The following NPEPL1 variants were observed in gnomAD, a reference collection of about 807,000 sequenced individuals.
The protein encoded by NPEPL1 is probable aminopeptidase NPEPL1.
In NPEPL1, 45 loss-of-function variants were observed where a neutral mutation model predicts 52.4. The observed-to-expected ratio is 0.86, with a 90% CI of 0.68 to 1.10. The LOEUF is 1.10. Among genes scored for constraint, NPEPL1 ranks in the 50% least tolerant of loss-of-function variants. NPEPL1 has a pLI of 0.00. For missense variants in NPEPL1, 696 were observed against 710.9 expected (o/e 0.98, Z 0.24); for synonymous variants, 360 against 314.7 (o/e 1.14, Z -1.52).
intron 6 of NPEPL1, chr20:58,703,360 C>A: frequency 1.9e-6 from 1 of 534,832 alleles, no homozygotes; most frequent in Non-Finnish European, 2.4e-6. Flanking sequence ...GAGATACCGG[C>A]ACACGGTGGT....
At chr20:58,705,649 A>G (rs2084721955) in intron 6 of NPEPL1, 1 of 434,356 alleles carries the variant, frequency 2.3e-6, no homozygotes, top group African/African-American at 2.0e-5. Context: ...AACAGAAACA[A>G]CATATGGGGG....
intron 3 of NPEPL1, among the ~76,000 whole-genome samples, chr20:58,697,477 G>A (rs1601100181): frequency 6.6e-6 from 1 of 152,236 alleles, no homozygotes; most frequent in Non-Finnish European, 1.5e-5. Flanking sequence ...CAAGGTCCAG[G>A]TTTCTACCTT....
intron 6 of NPEPL1, among the ~76,000 whole-genome samples, chr20:58,705,834 G>A (rs138627763): frequency 2.0e-3 from 306 of 152,256 alleles, no homozygotes; most frequent in South Asian, 6.4e-3. Context: ...ATTCCAGATC[G>A]GAGGCCCTGT....
At chr20:58,701,653 T>C (rs955966594) in intron 6 of NPEPL1, among the ~76,000 whole-genome samples, 9 of 152,078 alleles carry the variant, frequency 5.9e-5, no homozygotes, top group Non-Finnish European at 1.2e-4. Context: ...GGCTTGCTGC[T>C]TGGGGGCTTT....
In NPEPL1 at chr20:58,692,810, C is replaced by T. The variant is rs1276829922; in HGVS notation, c.-91C>T. On this transcript the variant is annotated 5_prime_UTR_variant, in exon 1 of 12. Transcript: ENST00000356091. This position sits in a 1 kb window ranked among gnomAD's most constrained non-coding sequence, Gnocchi z 5.7. ...CGCGGGCTGCCGGGCAGGGCCGGGG[C>T]GGTGCCGAGGCCGGGCCGGAGCGGG... 2.1e-6 allele frequency: 2 copies of T among 973,224 alleles called. No individual in the cohort carries two copies. Among genetic ancestry groups the T allele is most frequent in the African/African-American group, 1.8e-5 (1 of 56,206 alleles). The allele number at this position is 973,224 out of a possible 1,614,324, so 60.3% of individuals were successfully genotyped here.
rs1347472543 is a variant in NPEPL1, at chr20:58,692,910, G to A, written c.10G>A (p.Val4Met). 2 of 1,077,664 alleles carry A rather than the reference G, an allele frequency of 1.9e-6. No individual in the cohort carries two copies. The highest frequency in any genetic ancestry group is 6.0e-5 in the East Asian group (1 of 16,776). The allele number at this position is 1,077,664 out of a possible 1,614,324, so 66.8% of individuals were successfully genotyped here. The change falls in exon 1 of 12, where the codon GTG becomes ATG. Residue 4 changes from valine to methionine, a missense_variant. By Grantham distance (21) the Val-to-Met change is conservative (BLOSUM62 1). Transcript: ENST00000356091. This position sits in a 1 kb window ranked among gnomAD's most constrained non-coding sequence, Gnocchi z 5.7. Reference protein sequence around the residue: MANVGLQFQASAGD... With the variant: MANMGLQFQASAGD... Reference sequence around the variant, plus strand: ...GTGGGCCGGCAGGAAGATGGCGAACGTGGGGCTGCAGTTCCAGGCGAGCGC... The same window carrying A: ...GTGGGCCGGCAGGAAGATGGCGAACATGGGGCTGCAGTTCCAGGCGAGCGC...
intron 6 of NPEPL1, among the ~76,000 whole-genome samples, chr20:58,704,905 C>T (rs1462850088): frequency 1.3e-5 from 2 of 152,226 alleles, no homozygotes; most frequent in Non-Finnish European, 2.9e-5. Context: ...ATCCGCTGTT[C>T]TCTCTCACTT....
chr20:58,715,305 CAA>C lies in NPEPL1; in HGVS notation c.1552_1553del (p.Lys518GlufsTer13), dbSNP rs1166533153. The C allele has an allele frequency of 6.8e-6, 11 of 1,609,996 alleles. No individual in the cohort carries two copies. Among genetic ancestry groups the C allele is most frequent in the Non-Finnish European group, 9.3e-6 (11 of 1,178,406 alleles). On this transcript the variant is annotated frameshift_variant, in exon 12 of 12. Transcript: ENST00000356091. LOFTEE classifies it high-confidence loss of function. ...AGGAGGGGGACCTGGGGAGGGACTC[CAA>C]GAGACGCAGGCTTGTGTGAGCCTCC... ...VEEGDLGRDSKRRRLV is the reference protein window; with the variant it reads ...VEEGDLGRDSXRRRLV
At chr20:58,701,455 G>C (rs1378171840) in intron 6 of NPEPL1, among the ~76,000 whole-genome samples, 1 of 95,592 alleles carries the variant, frequency 1.0e-5, no homozygotes, top group East Asian at 2.6e-4. Context: ...GTTTCTGGGG[G>C]TTCTGGGTTG....
At chr20:58,701,439 G>A (rs1418145259) in intron 6 of NPEPL1, among the ~76,000 whole-genome samples, 14 of 150,568 alleles carry the variant, frequency 9.3e-5, no homozygotes, top group African/African-American at 2.9e-4. Context: ...GGTGGGGGGC[G>A]GCGAGGTTTC....
intron 3 of NPEPL1, among the ~76,000 whole-genome samples, chr20:58,695,135 G>GGT (rs1370483501): frequency 4.2e-5 from 6 of 143,630 alleles, no homozygotes; most frequent in Non-Finnish European, 9.2e-5. Flanking sequence ...GTGCATGAGT[G>GGT]GTGTGTGTGT....
rs1045645866 is a variant in NPEPL1 at position 58,693,724 on chromosome 20, C to T, written c.151-13C>T. ...TTGAAGCCTCTGTGTCTTGTCTCTC[C>T]CTTCTGATCTAGCTCTGGCAGGCTG... On this transcript the variant is annotated splice_polypyrimidine_tract_variant and intron_variant, in intron 1 of 11. Coordinates refer to ENST00000356091, the MANE Select transcript of NPEPL1 (RefSeq NM_024663.4). The T allele has an allele frequency of 4.4e-6, 7 of 1,590,528 alleles. No individual in the cohort carries two copies. The Admixed American group carries it at 5.1e-5, about 12-fold the overall frequency.
In NPEPL1 at chr20:58,713,321, G is replaced by A. The variant is rs2123153642; in HGVS notation, c.1002-99G>A. The A allele has an allele frequency of 3.5e-6, 5 of 1,437,180 alleles. 1 individual carries two copies. In the East Asian group the frequency reaches 1.3e-4, roughly 36 times the overall value. 89.0% of individuals were successfully genotyped at this position (1,437,180 alleles called of 1,614,324 possible). A position where few individuals can be genotyped will look rare whatever the true frequency, so the allele number is the denominator to read the frequency against. On this transcript the variant is annotated intron_variant, in intron 8 of 11. Transcript: ENST00000356091. The surrounding 1 kb of genome is among the most constrained non-coding windows in gnomAD (Gnocchi z 4.6). ...GTGTTGGGGTTCGGGGAGCCACAGG[G>A]ATGGGCAGCTCCAAATGGGGTCTCC...
rs995644728 is a variant in NPEPL1 at position 58,694,016 on chromosome 20, G to T, written c.336+94G>T. On this transcript the variant is annotated intron_variant, in intron 2 of 11. Transcript: ENST00000356091. ...CTCACAGCCCTGCTCAGACTGCAGC[G>T]CACGCCCAGAGGGCTGTGGACGTTA... 4.8e-6 allele frequency: 6 copies of T among 1,240,134 alleles called. No homozygotes were observed. The African/African-American group carries it at 7.5e-5, about 15-fold the overall frequency. The allele number at this position is 1,240,134 out of a possible 1,614,324, so 76.8% of individuals were successfully genotyped here.
intron 1 of NPEPL1, 101 bp downstream of exon 1, chr20:58,693,151 GGGCCGGGCCCAACGA>G (rs915063326): frequency 1.7e-4 from 142 of 854,016 alleles, no homozygotes; most frequent in Non-Finnish European, 1.9e-4. Context: ...CGCCGCCGCC[GGGCCGGGCCCAACGA>G]GGCCGGGCCG....
chr20:58,712,700 A>C, intron 8 of NPEPL1, 121 bp downstream of exon 8: 1 of 765,146 alleles, frequency 1.3e-6, no homozygotes, highest in Non-Finnish European at 2.3e-6. Context: ...TCCCCTGGGC[A>C]GCAGGCTCCT....
chr20:58,693,877 GC>G lies in NPEPL1; in HGVS notation c.292del (p.Leu98TrpfsTer15). ...CCTCGGCCGCCCACTTCATCACGCG[GC>G]TGGTGCGGACCTGCCTGCCGCCCGG... The part of the protein sequence containing the change: ...SPSAAHFITR[L>X]VRTCLPPGAH... On this transcript the variant is annotated frameshift_variant, in exon 2 of 12. Transcript: ENST00000356091. LOFTEE classifies it high-confidence loss of function. 1 of 1,613,066 alleles carries G rather than the reference GC, an allele frequency of 6.2e-7. No individual in the cohort carries two copies. Among genetic ancestry groups the G allele is most frequent in the Non-Finnish European group, 8.5e-7 (1 of 1,179,542 alleles).
In NPEPL1 at chr20:58,711,099, T is replaced by TCCCCTCCC. The variant is rs2084829571; in HGVS notation, c.901-1378_901-1377insCCTCCCCC. ...CCTCCCCCCCCGCCTCCTCTCCTCC[T>TCCCCTCCC]CCTCCTCCCCCCCTCCTCCCCCTCT... On this transcript the variant is annotated intron_variant, in intron 7 of 11. Transcript: ENST00000356091. The TCCCCTCCC allele has an allele frequency of 4.1e-4, 15 of 36,552 alleles. 1 individual carries two copies. Among genetic ancestry groups the TCCCCTCCC allele is most frequent in the African/African-American group, 1.4e-3 (7 of 5,080 alleles). 2.3% of individuals were successfully genotyped at this position (36,552 alleles called of 1,614,324 possible). A position where few individuals can be genotyped will look rare whatever the true frequency, so the allele number is the denominator to read the frequency against.
chr20:58,715,293 G>C lies in NPEPL1; in HGVS notation c.1539G>C (p.Leu513=). The C allele has an allele frequency of 1.9e-6, 3 of 1,610,806 alleles. No individual in the cohort carries two copies. Among genetic ancestry groups the C allele is most frequent in the Non-Finnish European group, 2.5e-6 (3 of 1,178,888 alleles). ...GCEVDVEEGD[L]GRDSKRRRLV is the part of the protein sequence containing the mutation. ...AGGTGGATGTCGAGGAGGGGGACCT[G>C]GGGAGGGACTCCAAGAGACGCAGGC... The change falls in exon 12 of 12, where the codon CTG becomes CTC. Residue 513 remains leucine, a synonymous_variant. Coordinates refer to ENST00000356091, the MANE Select transcript of NPEPL1 (RefSeq NM_024663.4).
Sources: gnomAD v4.1 joint callset for allele counts (sites outside exome capture counted in the v4.1 genomes callset) on GRCh38, gnomAD v4.1.1 for gene constraint, Gnocchi (gnomAD v3.1) non-coding constraint, MANE v1.5 for transcripts, NCBI Gene and HGNC (gene_info 2026-07-23, HGNC 2026-07-21) for gene names.